Variants in AIM2 observed in about 807,000 individuals in gnomAD.
AIM2 encodes the protein absent in melanoma 2, also known as interferon-inducible protein AIM2.
AIM2 carries 30 observed loss-of-function variants against 27.7 expected under a neutral mutation model. That is an observed-to-expected ratio of 1.08 (90% CI 0.81 to 1.47). The LOEUF (loss-of-function observed/expected upper bound fraction) is 1.47. AIM2 is among the 40% of genes most tolerant of loss of function. AIM2 has a pLI of 0.00. For missense variants in AIM2, 358 were observed against 411.3 expected (o/e 0.87, Z 1.12); for synonymous variants, 141 against 145.3 (o/e 0.97, Z 0.21).
intron 1 of AIM2, among the ~76,000 whole-genome samples, chr1:159,117,655 G>T (rs1047593558): frequency 6.6e-6 from 1 of 151,998 alleles, no homozygotes; most frequent in Non-Finnish European, 1.5e-5. Context: ...AAATAAAATG[G>T]TTAAAAATAT....
chr1:159,084,720 A>G (rs551749562), intron 1 of AIM2, among the ~76,000 whole-genome samples: 101 of 151,280 alleles, frequency 6.7e-4, no homozygotes, highest in African/African-American at 2.3e-3. Flanking sequence ...GGCTGCAGTG[A>G]GTGGTGATCA....
intron 4 of AIM2, among the ~76,000 whole-genome samples, chr1:159,065,387 T>G (rs1276392664): frequency 6.6e-6 from 1 of 152,154 alleles, no homozygotes; most frequent in Non-Finnish European, 1.5e-5. Flanking sequence ...CTTCCCCCAG[T>G]TTGCATTTTT....
chr1:159,107,331 T>TGTGTGCGC (rs1337639775), intron 1 of AIM2, among the ~76,000 whole-genome samples: 7 of 150,144 alleles, frequency 4.7e-5, no homozygotes, highest in African/African-American at 1.7e-4. Flanking sequence ...TGTGTGTGTG[T>TGTGTGCGC]GCGCGCACTA....
intron 1 of AIM2, among the ~76,000 whole-genome samples, chr1:159,113,554 G>A (rs368417948): frequency 6.6e-6 from 1 of 152,202 alleles, no homozygotes; most frequent in Non-Finnish European, 1.5e-5. Context: ...TTAACTGAGG[G>A]TTTAAAATCG....
chr1:159,061,558 A>ATTTTT (rs945588968), downstream of AIM2, among the ~76,000 whole-genome samples: 9 of 83,110 alleles, frequency 1.1e-4, no homozygotes, highest in African/African-American at 4.9e-4. Flanking sequence ...GTGCCCGGCT[A>ATTTTT]TTTTTTTTTT....
At chr1:159,117,757 A>T (rs193291345) in intron 1 of AIM2, among the ~76,000 whole-genome samples, 1 of 151,500 alleles carries the variant, frequency 6.6e-6, no homozygotes, top group African/African-American at 2.4e-5. Flanking sequence ...TTTCACTGAC[A>T]CACACACACA....
intron 1 of AIM2, among the ~76,000 whole-genome samples, chr1:159,118,069 T>A (rs1334223293): frequency 6.6e-6 from 1 of 152,140 alleles, no homozygotes; most frequent in African/African-American, 2.4e-5. Flanking sequence ...ATGCCTTTAT[T>A]ATACCCAGAA....
downstream of AIM2, among the ~76,000 whole-genome samples, chr1:159,060,683 TTAGAG>T (rs1324667142): frequency 1.3e-5 from 2 of 152,250 alleles, no homozygotes; most frequent in Admixed American, 6.5e-5. Context: ...CTTCTTTCAC[TTAGAG>T]TAAAGATCTA....
chr1:159,059,224 TA>T (rs773891692), downstream of AIM2, among the ~76,000 whole-genome samples: 6 of 152,216 alleles, frequency 3.9e-5, no homozygotes, highest in Admixed American at 1.3e-4. Context: ...GACATTTTTA[TA>T]TTTTTTTGCC....
chr1:159,114,177 T>G (rs1301637699), intron 1 of AIM2, among the ~76,000 whole-genome samples: 1 of 152,028 alleles, frequency 6.6e-6, no homozygotes, highest in African/African-American at 2.4e-5. Flanking sequence ...AGAACTCAAG[T>G]CAAAGCAAAG....
At chr1:159,129,891 TC>T (rs1647821202) in intron 1 of AIM2, among the ~76,000 whole-genome samples, 1 of 152,160 alleles carries the variant, frequency 6.6e-6, no homozygotes, top group Non-Finnish European at 1.5e-5. Flanking sequence ...CCAGCTCCCA[TC>T]CCATCCACTA....
At chr1:159,099,760 T>C (rs1044140559) in intron 1 of AIM2, among the ~76,000 whole-genome samples, 1 of 152,196 alleles carries the variant, frequency 6.6e-6, no homozygotes, top group Non-Finnish European at 1.5e-5. Flanking sequence ...TATTCTTGGC[T>C]TTCAGGCCTA....
chr1:159,077,217 G>T (rs953304447), upstream of AIM2, among the ~76,000 whole-genome samples: 11 of 150,446 alleles, frequency 7.3e-5, no homozygotes, highest in Non-Finnish European at 1.5e-4. Context: ...GGCACTCAAA[G>T]ATTTGAGTCA....
At chr1:159,117,216 T>C (rs1647381669) in intron 1 of AIM2, among the ~76,000 whole-genome samples, 1 of 152,120 alleles carries the variant, frequency 6.6e-6, no homozygotes, top group Non-Finnish European at 1.5e-5. Flanking sequence ...GGTGCATTTG[T>C]GTGCGCACGA....
At chr1:159,057,493 G>A (rs1455619042), downstream of AIM2, among the ~76,000 whole-genome samples, 1 of 152,180 alleles carries the variant, frequency 6.6e-6, no homozygotes, top group Non-Finnish European at 1.5e-5. Flanking sequence ...TCCCAAAGAG[G>A]AAACCTTCGA....
At chr1:159,080,070 A>T (rs1656740002), upstream of AIM2, among the ~76,000 whole-genome samples, 1 of 152,070 alleles carries the variant, frequency 6.6e-6, no homozygotes, top group Admixed American at 6.5e-5. Flanking sequence ...TTATCTGTTT[A>T]TCCATTCACC....
intron 1 of AIM2, among the ~76,000 whole-genome samples, chr1:159,107,331 T>TGTGTGTGCGCGTGTGC (rs1337639775): frequency 8.1e-4 from 121 of 150,262 alleles, no homozygotes; most frequent in Middle Eastern, 3.4e-3. Context: ...TGTGTGTGTG[T>TGTGTGTGCGCGTGTGC]GCGCGCACTA....
intron 1 of AIM2, among the ~76,000 whole-genome samples, chr1:159,130,599 G>A (rs1192463594): frequency 1.3e-5 from 2 of 151,918 alleles, no homozygotes; most frequent in African/African-American, 2.4e-5. Flanking sequence ...TTTCCACTGA[G>A]TCTTATTCAT....
chr1:159,095,166 T>C (rs1480289784), intron 1 of AIM2, among the ~76,000 whole-genome samples: 3 of 152,170 alleles, frequency 2.0e-5, no homozygotes, highest in Non-Finnish European at 4.4e-5. Flanking sequence ...ATTAATATAA[T>C]TATGGAAAGT....
Sources: gnomAD v4.1 joint callset for allele counts (sites outside exome capture counted in the v4.1 genomes callset) on GRCh38, gnomAD v4.1.1 for gene constraint, MANE v1.5 for transcripts, NCBI Gene and HGNC (gene_info 2026-07-23, HGNC 2026-07-21) for gene names.